ABCF3: variants seen among roughly 807,000 people sequenced by gnomAD.
ABCF3 encodes the protein ATP-binding cassette sub-family F member 3.
Under a neutral mutation model 94.3 loss-of-function variants are expected in ABCF3, and 62 were observed. That is an observed-to-expected ratio of 0.66 (90% CI 0.54 to 0.81). ABCF3 has a LOEUF of 0.81. ABCF3 is among the 40% of genes least tolerant of loss of function. ABCF3 has a pLI of 0.00. For synonymous variants in ABCF3, 355 were observed against 361.1 expected (o/e 0.98, Z 0.19); for missense variants, 843 against 925.3 (o/e 0.91, Z 1.15).
chr3:184,190,503 A>T (rs899657798), intron 14 of ABCF3: 1 of 165,170 alleles, frequency 6.1e-6, no homozygotes, highest in African/African-American at 2.4e-5. Context: ...GTTTTGAGGA[A>T]CTGTCAAACT....
rs770951242 is a variant in ABCF3, at chr3:184,189,873, C to T, written c.1333C>T (p.Arg445Cys). The T allele has an allele frequency of 4.3e-6, 7 of 1,614,098 alleles. No individual in the cohort carries two copies. Among genetic ancestry groups the T allele is most frequent in the South Asian group, 1.1e-5 (1 of 91,088 alleles). Residue 445 changes from arginine (R) to cysteine (C), a missense_variant, in exon 14 of 21, where the codon CGC becomes TGC. Transcript: ENST00000429586. ...QHIQVFIDRF[R>C]YNANRASQVQ... is the part of the protein sequence containing the mutation. ...CCTGCAGGTTTTCATTGACCGGTTT[C>T]GCTACAATGCCAACAGGGCCTCTCA...
chr3:184,193,820 T>G lies in ABCF3; in HGVS notation c.*122T>G. On this transcript the variant is annotated 3_prime_UTR_variant, in exon 21 of 21. Coordinates refer to ENST00000429586, the MANE Select transcript of ABCF3 (RefSeq NM_018358.3). The surrounding 1 kb of genome is among the most constrained non-coding windows in gnomAD (Gnocchi z 5.2). Reference sequence around the variant, plus strand: ...ACTTGGGGACAGCCTTATTCCCAAATGTCTCTATCCTTTTGACTGGAGCAT... The same window carrying G: ...ACTTGGGGACAGCCTTATTCCCAAAGGTCTCTATCCTTTTGACTGGAGCAT... 1 of 1,222,374 alleles carries G rather than the reference T, an allele frequency of 8.2e-7. No individual in the cohort carries two copies. Among genetic ancestry groups the G allele is most frequent in the Non-Finnish European group, 1.1e-6 (1 of 895,066 alleles). 75.7% of individuals were successfully genotyped at this position (1,222,374 alleles called of 1,614,324 possible).
Position 184,186,576 on chromosome 3 carries a change from T to C in ABCF3, c.143T>C (p.Leu48Ser). 1 of 1,614,026 alleles carries C rather than the reference T, an allele frequency of 6.2e-7. No individual in the cohort carries two copies. The highest frequency in any genetic ancestry group is 8.5e-7 in the Non-Finnish European group (1 of 1,179,960). Reference protein sequence around the residue: ...DDLVEAVGELLQEVSGDSKDD... With the variant: ...DDLVEAVGELSQEVSGDSKDD... The stretch of plus-strand genomic sequence containing the variant: ...CTGGTGGAAGCTGTAGGGGAACTAT[T>C]GCAAGAGGTGTCCGGGGACAGCAAG... The change falls in exon 2 of 21, where the codon TTG becomes TCG. Residue 48 changes from leucine (L) to serine (S), a missense_variant. Coordinates refer to ENST00000429586, the MANE Select transcript of ABCF3 (RefSeq NM_018358.3).
chr3:184,192,515 A>C, intron 16 of ABCF3, 86 bp from the exon 17 acceptor site: 1 of 1,278,304 alleles, frequency 7.8e-7, no homozygotes, highest in Non-Finnish European at 1.1e-6. Flanking sequence ...TATGTGCTCA[A>C]CACTTTTTAG....
At chr3:184,190,217 C>G in intron 14 of ABCF3, 1 of 483,434 alleles carries the variant, frequency 2.1e-6, no homozygotes, top group Non-Finnish European at 3.7e-6. Flanking sequence ...TGCCTGGTGT[C>G]TTTTACCTGG....
At chr3:184,187,032 G>C (rs1440173048) in intron 3 of ABCF3, 157 bp downstream of exon 3, 1 of 768,002 alleles carries the variant, frequency 1.3e-6, no homozygotes. Context: ...GCCCATGATG[G>C]GGGTGGGGAG....
chr3:184,186,781 T>C lies in ABCF3; in HGVS notation c.222-15T>C. The C allele has an allele frequency of 1.2e-6, 2 of 1,611,974 alleles. No individual in the cohort carries two copies. The highest frequency in any genetic ancestry group is 1.7e-6 in the Non-Finnish European group (2 of 1,178,976). The stretch of plus-strand genomic sequence containing the variant: ...TCAACTCCTAACTCTGCGCTTTCTA[T>C]CCCTACCCACATAGGGCTGAGCCAC... On this transcript the variant is annotated splice_polypyrimidine_tract_variant and intron_variant, in intron 2 of 20. Coordinates refer to ENST00000429586, the MANE Select transcript of ABCF3 (RefSeq NM_018358.3).
rs764726632 is a variant in ABCF3, at chr3:184,189,270, G to A, written c.1050G>A (p.Leu350=). The A allele has an allele frequency of 4.6e-5, 75 of 1,614,074 alleles. No homozygotes were observed. The highest frequency in any genetic ancestry group is 2.7e-5 in the Non-Finnish European group (32 of 1,180,050). ...RALFARPDLL[L]LDEPTNMLDV... is the part of the protein sequence containing the mutation. ...TTTTTCATAGGCCAGATCTTCTGCT[G>A]TTAGATGGTGAGTTTGAAATGGGGC... Residue 350 remains leucine (L), a synonymous_variant, in exon 11 of 21, where the codon CTG becomes CTA. Transcript: ENST00000429586.
chr3:184,188,604 C>T, intron 7 of ABCF3, 157 bp from the exon 8 acceptor site: 2 of 1,010,990 alleles, frequency 2.0e-6, no homozygotes, highest in Non-Finnish European at 1.4e-6. Flanking sequence ...TGCCCATTTC[C>T]ATAGTGCCCA....
intron 6 of ABCF3, 51 bp downstream of exon 6, chr3:184,188,034 C>T (rs1238829416): frequency 2.5e-6 from 4 of 1,612,992 alleles, no homozygotes; most frequent in East Asian, 4.5e-5. Flanking sequence ...AATTAGAGGA[C>T]AATTTGGAGA....
At position 184,186,567 on chromosome 3, in the gene ABCF3, G is replaced by A. The variant is rs1295847995; in HGVS notation, c.134G>A (p.Gly45Glu). 6.2e-7 allele frequency: 1 copy of A among 1,614,074 alleles called. No homozygotes were observed. Among genetic ancestry groups the A allele is most frequent in the Non-Finnish European group, 8.5e-7 (1 of 1,179,972 alleles). ...GTGGATGACCTGGTGGAAGCTGTAG[G>A]GGAACTATTGCAAGAGGTGTCCGGG... ...ESVDDLVEAV[G>E]ELLQEVSGDS... is the part of the protein sequence containing the mutation. The change falls in exon 2 of 21, where the codon GGG becomes GAG. Residue 45 changes from glycine to glutamate, a missense_variant. Coordinates refer to ENST00000429586, the MANE Select transcript of ABCF3 (RefSeq NM_018358.3).
chr3:184,193,250 C>T lies in ABCF3; in HGVS notation c.1883+16C>T, dbSNP rs749210561. 8.9e-6 allele frequency: 14 copies of T among 1,576,780 alleles called. No individual in the cohort carries two copies. In the African/African-American group the frequency reaches 1.2e-4, roughly 14 times the overall value. ...CTATGCCCTGGTGAGGCCTCATTTTCCAGAGCTCTTCCCCTCCCATTTCCC... is the reference window on the plus strand; with the variant it reads ...CTATGCCCTGGTGAGGCCTCATTTTTCAGAGCTCTTCCCCTCCCATTTCCC... On this transcript the variant is annotated intron_variant, in intron 19 of 20. Transcript: ENST00000429586. The surrounding 1 kb of genome is among the most constrained non-coding windows in gnomAD (Gnocchi z 5.2).
At chr3:184,186,425 C>T in intron 1 of ABCF3, 82 bp from the exon 2 acceptor site, 1 of 1,580,312 alleles carries the variant, frequency 6.3e-7, no homozygotes, top group South Asian at 1.2e-5. Flanking sequence ...GGAGCCTGGA[C>T]TGGGGCCTCT....
rs1715713861 is a variant in ABCF3 at position 184,187,497 on chromosome 3, C to T, written c.348+54C>T. ...TGTCTGTGATGGGGTTGGGAGTTGA[C>T]TGTCTAATTGGAGTATCTTTTGGGG... On this transcript the variant is annotated intron_variant, in intron 4 of 20. Coordinates refer to ENST00000429586, the MANE Select transcript of ABCF3 (RefSeq NM_018358.3). 3 of 1,579,094 alleles carry T rather than the reference C, an allele frequency of 1.9e-6. No homozygotes were observed. The South Asian group carries it at 3.3e-5, about 17-fold the overall frequency.
Position 184,189,268 on chromosome 3 carries a change from C to T in ABCF3, c.1048C>T (p.Leu350=), listed in dbSNP as rs559787852. ...TGTTTTTCATAGGCCAGATCTTCTG[C>T]TGTTAGATGGTGAGTTTGAAATGGG... ...RALFARPDLL[L]LDEPTNMLDV... The change falls in exon 11 of 21, where the codon CTG becomes TTG. Residue 350 remains leucine (L), a synonymous_variant. Coordinates refer to ENST00000429586, the MANE Select transcript of ABCF3 (RefSeq NM_018358.3). 3.1e-6 allele frequency: 5 copies of T among 1,614,174 alleles called. No homozygotes were observed. The East Asian group carries it at 6.7e-5, about 22-fold the overall frequency.
Position 184,189,081 on chromosome 3 carries a change from T to C in ABCF3, c.978-7T>C, listed in dbSNP as rs759962570. On this transcript the variant is annotated splice_polypyrimidine_tract_variant and splice_region_variant and intron_variant, in intron 9 of 20. Coordinates refer to ENST00000429586, the MANE Select transcript of ABCF3 (RefSeq NM_018358.3). ...CCCACCCATAATGTGACTCCATCATTCTTTAGGGAGTTCTCAGGTGGCTGG... is the reference window on the plus strand; with the variant it reads ...CCCACCCATAATGTGACTCCATCATCCTTTAGGGAGTTCTCAGGTGGCTGG... 24 of 1,614,062 alleles carry C rather than the reference T, an allele frequency of 1.5e-5. No individual in the cohort carries two copies. In the African/African-American group the frequency reaches 2.4e-4, roughly 16 times the overall value.
intron 7 of ABCF3, 56 bp from the exon 8 acceptor site, chr3:184,188,705 G>T: frequency 6.4e-7 from 1 of 1,565,292 alleles, no homozygotes; most frequent in South Asian, 1.1e-5. Context: ...ATAGGGTGCA[G>T]GACATCCTCC....
Position 184,187,463 on chromosome 3 carries a change from G to A in ABCF3, c.348+20G>A. 6.2e-7 allele frequency: 1 copy of A among 1,610,628 alleles called. No individual in the cohort carries two copies. The highest frequency in any genetic ancestry group is 8.5e-7 in the Non-Finnish European group (1 of 1,178,030). ...TCCTCGGTGAGGAGGAGGAAGCAAG[G>A]GAGGGGACTGTCTGTGATGGGGTTG... On this transcript the variant is annotated intron_variant, in intron 4 of 20. Transcript: ENST00000429586.
Position 184,191,103 on chromosome 3 carries a change from C to T in ABCF3, c.1437-20C>T, listed in dbSNP as rs1239238463. ...GCTTGCTTCCAGCTGCCCCCACATC[C>T]TCACCCCTACCTCCTGCAGGTTCCC... On this transcript the variant is annotated intron_variant, in intron 15 of 20. Coordinates refer to ENST00000429586, the MANE Select transcript of ABCF3 (RefSeq NM_018358.3). 6.2e-7 allele frequency: 1 copy of T among 1,614,194 alleles called. No homozygotes were observed.
Sources: gnomAD v4.1 joint callset for allele counts on GRCh38, gnomAD v4.1.1 for gene constraint, Gnocchi (gnomAD v3.1) non-coding constraint, MANE v1.5 for transcripts, NCBI Gene and HGNC (gene_info 2026-07-23, HGNC 2026-07-21) for gene names.